ZFHX3: variants seen among roughly 807,000 people sequenced by gnomAD.
ZFHX3 encodes the protein zinc finger homeobox 3, also known as zinc finger homeobox protein 3.
ZFHX3 carries 42 observed loss-of-function variants against 279.1 expected under a neutral mutation model. The ratio of observed to expected loss-of-function variants is 0.15; its 90% confidence interval spans 0.12 to 0.19. ZFHX3 has a LOEUF of 0.19. Among genes scored for constraint, ZFHX3 ranks in the 10% least tolerant of loss-of-function variants. The probability of loss-of-function intolerance (pLI) is 1.00; values close to 1 mark genes in which losing one functional copy is unlikely to be tolerated. For missense variants in ZFHX3, 4,981 were observed against 4,754.0 expected (o/e 1.05, Z -1.40); for synonymous variants, 2,293 against 1,957.8 (o/e 1.17, Z -4.52).
rs200569834 is a variant in ZFHX3, at chr16:72,799,937, T to C, written c.3967+90A>G. The C allele has an allele frequency of 1.0e-4, 116 of 1,149,470 alleles. No homozygotes were observed. The East Asian group carries it at 2.5e-3, about 25-fold the overall frequency. 71.2% of individuals were successfully genotyped at this position (1,149,470 alleles called of 1,614,324 possible). On this transcript the variant is annotated intron_variant, in intron 8 of 9. Coordinates refer to ENST00000268489, the MANE Select transcript of ZFHX3 (RefSeq NM_006885.4). Reference sequence around the variant, plus strand: ...ATCAGTTACATTCACCTTAAGAGTATTGTAAAGAATTCCTGAAAACCTTTC... The same window carrying C: ...ATCAGTTACATTCACCTTAAGAGTACTGTAAAGAATTCCTGAAAACCTTTC...
At chr16:72,954,892 A>C (rs951131684) in intron 2 of ZFHX3, among the ~76,000 whole-genome samples, 5 of 152,230 alleles carry the variant, frequency 3.3e-5, no homozygotes, top group African/African-American at 1.2e-4. Context: ...CACCTTGTAA[A>C]GAGGAGTGTA....
intron 4 of ZFHX3, among the ~76,000 whole-genome samples, chr16:73,288,584 C>A (rs926720807): frequency 6.6e-6 from 1 of 152,164 alleles, no homozygotes; most frequent in Admixed American, 6.5e-5. Flanking sequence ...ACTCCCCACG[C>A]TGTCCGCAGC....
intron 5 of ZFHX3, among the ~76,000 whole-genome samples, chr16:73,181,687 T>C (rs972077085): frequency 1.3e-5 from 2 of 152,136 alleles, no homozygotes; most frequent in African/African-American, 4.8e-5. Flanking sequence ...CTGGGACAAA[T>C]GAGCTTTAAT....
chr16:73,477,348 A>G (rs1021020578), intron 2 of ZFHX3, among the ~76,000 whole-genome samples: 5 of 152,238 alleles, frequency 3.3e-5, no homozygotes, highest in Admixed American at 3.3e-4. Flanking sequence ...GAAATTCAGT[A>G]CCTAATTTTT....
chr16:73,586,771 T>C (rs183510547), intron 2 of ZFHX3, among the ~76,000 whole-genome samples: 2 of 152,226 alleles, frequency 1.3e-5, no homozygotes, highest in East Asian at 1.9e-4. Flanking sequence ...AAAACTAAAA[T>C]TGACCTAATG....
intron 2 of ZFHX3, among the ~76,000 whole-genome samples, chr16:73,565,848 G>T (rs1030070523): frequency 6.6e-6 from 1 of 152,188 alleles, no homozygotes. Context: ...CACTCGTGTT[G>T]CTAGTCAGGG....
At chr16:73,792,856 A>ACCCCCCCCCCCCC (rs55813623) in intron 1 of ZFHX3, among the ~76,000 whole-genome samples, 7 of 135,096 alleles carry the variant, frequency 5.2e-5, no homozygotes, top group African/African-American at 5.8e-5. Flanking sequence ...CATACAGTGC[A>ACCCCCCCCCCCCC]CCCCCCCCCT....
intron 2 of ZFHX3, chr16:73,487,499 C>G (rs561099939): frequency 2.4e-6 from 1 of 418,884 alleles, no homozygotes; most frequent in East Asian, 7.4e-5. Flanking sequence ...CTCCTGAGCT[C>G]AAGTGATCTT....
intron 3 of ZFHX3, among the ~76,000 whole-genome samples, chr16:73,417,545 T>A (rs2017616344): frequency 1.3e-5 from 2 of 151,858 alleles, no homozygotes; most frequent in African/African-American, 4.9e-5. Flanking sequence ...TTCCTAATTT[T>A]GATAGTTGCA....
chr16:73,648,601 T>A (rs1422739822), intron 2 of ZFHX3, among the ~76,000 whole-genome samples: 1 of 152,060 alleles, frequency 6.6e-6, no homozygotes, highest in Non-Finnish European at 1.5e-5. Context: ...TAGTAGAGAC[T>A]GGATTTCACC....
Position 73,751,720 on chromosome 16 carries a change from G to A in ZFHX3, c.-1607-71480C>T, listed in dbSNP as rs536437288. ...GGGTCCTGAGAGAATCATAAAGTAG[G>A]AGCTATTTTCTGAGAGCTCTATCTT... On this transcript the variant is annotated intron_variant, in intron 1 of 17. Transcript: ENST00000641206. Among the ~76,000 whole-genome samples, 6 of 152,218 alleles carry A rather than the reference G, an allele frequency of 3.9e-5. No individual in the cohort carries two copies. The South Asian group carries it at 1.2e-3, about 32-fold the overall frequency.
intron 5 of ZFHX3, among the ~76,000 whole-genome samples, chr16:73,181,799 C>G (rs1183111852): frequency 6.6e-6 from 1 of 152,108 alleles, no homozygotes; most frequent in East Asian, 1.9e-4. Flanking sequence ...GTTGGGCGTT[C>G]TGTGAACTAT....
At chr16:73,616,352 G>A (rs1455511544) in intron 2 of ZFHX3, among the ~76,000 whole-genome samples, 1 of 147,130 alleles carries the variant, frequency 6.8e-6, no homozygotes. Context: ...ATTGGCTGAA[G>A]TCTGTGTCAA....
intron 3 of ZFHX3, among the ~76,000 whole-genome samples, chr16:72,926,260 C>T (rs191501404): frequency 1.3e-5 from 2 of 152,300 alleles, no homozygotes; most frequent in East Asian, 3.9e-4. Context: ...TAGTAACCAA[C>T]TAAACAGTTC....
intron 1 of ZFHX3, among the ~76,000 whole-genome samples, chr16:72,990,304 G>A (rs1447651351): frequency 2.0e-5 from 3 of 152,272 alleles, no homozygotes; most frequent in South Asian, 2.1e-4. Flanking sequence ...CCAGGGAAAC[G>A]CATTGTACTT....
chr16:73,620,015 C>G (rs952528853), intron 2 of ZFHX3, among the ~76,000 whole-genome samples: 86 of 152,166 alleles, frequency 5.7e-4, no homozygotes, highest in African/African-American at 2.1e-3. Context: ...GACTCAACTC[C>G]TGGGCTCAAG....
chr16:72,829,687 C>CTTGT, intron 5 of ZFHX3, 92 bp downstream of exon 5: 1 of 1,436,876 alleles, frequency 7.0e-7, no homozygotes, highest in Non-Finnish European at 9.8e-7. Context: ...CGCTCCCTGA[C>CTTGT]TTGTTAGCTC....
intron 1 of ZFHX3, among the ~76,000 whole-genome samples, chr16:73,028,894 A>C (rs1964602877): frequency 6.6e-6 from 1 of 152,224 alleles, no homozygotes; most frequent in Non-Finnish European, 1.5e-5. Flanking sequence ...TCTTGTTACA[A>C]ACTGCTCTGA....
At position 73,766,584 on chromosome 16, in the gene ZFHX3, T is replaced by A. The variant is rs571323354; in HGVS notation, c.-1607-86344A>T. Among the ~76,000 whole-genome samples, 7 of 152,230 alleles carry A rather than the reference T, an allele frequency of 4.6e-5. No individual in the cohort carries two copies. In the East Asian group the frequency reaches 1.4e-3, roughly 29 times the overall value. ...AGAAGAAACTTAGAAAACGACAAAA[T>A]TCAAGAAGAGCTGAAGCTCTGGAGC... On this transcript the variant is annotated intron_variant, in intron 1 of 17. Coordinates refer to the ZFHX3 transcript ENST00000641206.
Sources: gnomAD v4.1 joint callset for allele counts (sites outside exome capture counted in the v4.1 genomes callset) on GRCh38, gnomAD v4.1.1 for gene constraint, MANE v1.5 for transcripts, NCBI Gene and HGNC (gene_info 2026-07-23, HGNC 2026-07-21) for gene names.